CA12: variants seen among roughly 807,000 people sequenced by gnomAD.
The protein encoded by CA12 is carbonate dehydratase XII.
CA12 carries 36 observed loss-of-function variants against 46.8 expected under a neutral mutation model. That is an observed-to-expected ratio of 0.77 (90% CI 0.59 to 1.02). The LOEUF (loss-of-function observed/expected upper bound fraction) is 1.02, where lower values mean the gene tolerates loss of function less well. Among genes scored for constraint, CA12 ranks in the 50% least tolerant of loss-of-function variants. CA12 has a pLI of 0.00. For synonymous variants in CA12, 202 were observed against 187.0 expected, an observed-to-expected ratio of 1.08 and a Z score of -0.65; for missense variants, 436 against 451.4, an observed-to-expected ratio of 0.97 and a Z score of 0.31.
intron 8 of CA12, among the ~76,000 whole-genome samples, chr15:63,334,746 C>T (rs2038978100): frequency 6.6e-6 from 1 of 152,024 alleles, no homozygotes; most frequent in Non-Finnish European, 1.5e-5. Context: ...GCATCTGCAC[C>T]CCTGATAAAG....
intron 2 of CA12, among the ~76,000 whole-genome samples, chr15:63,347,463 C>T (rs1595782520): frequency 6.6e-6 from 1 of 152,034 alleles, no homozygotes; most frequent in East Asian, 1.9e-4. Context: ...AGAGTTTAAG[C>T]TGGAAAAAAA....
At chr15:63,346,278 C>A (rs1397532183) in intron 3 of CA12, among the ~76,000 whole-genome samples, 1 of 152,186 alleles carries the variant, frequency 6.6e-6, no homozygotes. Context: ...GTGCTCAGGC[C>A]GGTCTCCTGC....
intron 2 of CA12, among the ~76,000 whole-genome samples, chr15:63,364,345 A>AAAAAAAC (rs1555431587): frequency 3.4e-5 from 5 of 149,182 alleles, no homozygotes; most frequent in Non-Finnish European, 5.9e-5. Context: ...AAAAAAAAAA[A>AAAAAAAC]AAAAAAAAAA....
At position 63,325,598 on chromosome 15, in the gene CA12, T is replaced by TC. The variant is rs764099194; in HGVS notation, c.*686dup. 7.8e-5 allele frequency: 12 copies of TC among 153,010 alleles called. No individual in the cohort carries two copies. Among genetic ancestry groups the TC allele is most frequent in the Non-Finnish European group, 1.3e-4 (9 of 68,640 alleles). The allele number at this position is 153,010 out of a possible 1,614,324, so 9.5% of individuals were successfully genotyped here. ...CCCTCTAGCTCTCTCTCCCTTCTCATCCCCACCAAGAAGTGGAACTTGAAC... is the reference window on the plus strand; with the variant it reads ...CCCTCTAGCTCTCTCTCCCTTCTCATCCCCCACCAAGAAGTGGAACTTGAAC... On this transcript the variant is annotated 3_prime_UTR_variant, in exon 11 of 11. Transcript: ENST00000178638. The surrounding 1 kb of genome is among the most constrained non-coding windows in gnomAD (Gnocchi z 4.9).
rs1032715256 is a variant in CA12 at position 63,325,954 on chromosome 15, G to A, written c.*331C>T. The A allele has an allele frequency of 2.9e-5, 10 of 344,260 alleles. No homozygotes were observed. The highest frequency in any genetic ancestry group is 5.6e-5 in the Non-Finnish European group (10 of 180,000). The allele number at this position is 344,260 out of a possible 1,614,324, so 21.3% of individuals were successfully genotyped here. ...AGCACGCTCTGGCAAAGCCCCGGAT[G>A]AAAGTGTTTTCCAACCATTAATGGC... On this transcript the variant is annotated 3_prime_UTR_variant, in exon 11 of 11. Coordinates refer to ENST00000178638, the MANE Select transcript of CA12 (RefSeq NM_001218.5). The surrounding 1 kb of genome is among the most constrained non-coding windows in gnomAD (Gnocchi z 4.9).
rs2039064763 is a variant in CA12 at position 63,340,499 on chromosome 15, A to C, written c.590-54T>G. The C allele has an allele frequency of 1.2e-6, 2 of 1,605,968 alleles. No homozygotes were observed. The highest frequency in any genetic ancestry group is 2.2e-5 in the South Asian group (2 of 90,914). ...TGTCAGCCTCCCTCCGTAGGGCATA[A>C]GTGCAGCTGAACAGAGCGACTGAGC... On this transcript the variant is annotated intron_variant, in intron 6 of 10. Coordinates refer to ENST00000178638, the MANE Select transcript of CA12 (RefSeq NM_001218.5). This position sits in a 1 kb window ranked among gnomAD's most constrained non-coding sequence, Gnocchi z 4.4.
rs1473840605 is a variant in CA12 at position 63,381,639 on chromosome 15, T to C, written c.82A>G (p.Asn28Asp). Reference sequence around the variant, plus strand: ...AAGAAGCAGGCGGAAACTTTACCGTTCACTGGGGCCGGGCTGGAAGGCTGT... The same window carrying C: ...AAGAAGCAGGCGGAAACTTTACCGTCCACTGGGGCCGGGCTGGAAGGCTGT... ...KEQPSSPAPV[N>D]GSKWTYFGPD... Residue 28 changes from asparagine (N) to aspartate (D), a missense_variant, in exon 1 of 11, where the codon AAC becomes GAC. By Grantham distance (23) the Asn-to-Asp change is conservative. Transcript: ENST00000178638. 6.2e-7 allele frequency: 1 copy of C among 1,610,766 alleles called. No individual in the cohort carries two copies. Among genetic ancestry groups the C allele is most frequent in the African/African-American group, 1.3e-5 (1 of 74,980 alleles).
intron 2 of CA12, among the ~76,000 whole-genome samples, chr15:63,369,715 A>G (rs972523812): frequency 6.6e-6 from 1 of 152,192 alleles, no homozygotes; most frequent in Non-Finnish European, 1.5e-5. Context: ...AGAGGTCATT[A>G]CTTTCCTAAG....
intron 2 of CA12, among the ~76,000 whole-genome samples, chr15:63,358,457 G>A (rs2039319494): frequency 6.6e-6 from 1 of 152,106 alleles, no homozygotes; most frequent in African/African-American, 2.4e-5. Context: ...CTGCTTTTGT[G>A]ACAGGCTCCT....
chr15:63,325,992 C>G lies in CA12; in HGVS notation c.*293G>C. ...AACCATTAATGGCCCACCAGCATGG[C>G]TTGGTTTGTGATTCCAGAATTCAGA... is the stretch of plus-strand genomic sequence containing the variant. On this transcript the variant is annotated 3_prime_UTR_variant, in exon 11 of 11. Transcript: ENST00000178638. The surrounding 1 kb of genome is among the most constrained non-coding windows in gnomAD (Gnocchi z 4.9). 2.3e-6 allele frequency: 1 copy of G among 436,482 alleles called. No individual in the cohort carries two copies. The highest frequency in any genetic ancestry group is 3.4e-5 in the Admixed American group (1 of 29,048). 27.0% of individuals were successfully genotyped at this position (436,482 alleles called of 1,614,324 possible).
chr15:63,367,287 T>C (rs1324923525), intron 2 of CA12, among the ~76,000 whole-genome samples: 1 of 152,202 alleles, frequency 6.6e-6, no homozygotes, highest in African/African-American at 2.4e-5. Flanking sequence ...AGACATCAAT[T>C]TTCCTCTGGG....
intron 2 of CA12, among the ~76,000 whole-genome samples, chr15:63,370,937 C>T (rs981655782): frequency 8.5e-5 from 13 of 152,252 alleles, no homozygotes; most frequent in African/African-American, 2.9e-4. Flanking sequence ...TTGATAGAGA[C>T]AAGAGCCCTC....
chr15:63,358,603 G>A (rs769693815), intron 2 of CA12, among the ~76,000 whole-genome samples: 48 of 152,164 alleles, frequency 3.2e-4, no homozygotes, highest in African/African-American at 1.1e-3. Flanking sequence ...AGTGTGAAGC[G>A]GTAGGTGAGA....
chr15:63,326,277 C>T lies in CA12; in HGVS notation c.*8G>A, dbSNP rs1190458891. ...CCTTCCTGGATGTGCCCGGGAGCTC[C>T]GGGGACCTCAAGCGTGGGCCTCAGT... On this transcript the variant is annotated 3_prime_UTR_variant, in exon 11 of 11. Transcript: ENST00000178638. 6.2e-6 allele frequency: 10 copies of T among 1,612,742 alleles called. No homozygotes were observed. The East Asian group carries it at 8.9e-5, about 14-fold the overall frequency.
At position 63,348,973 on chromosome 15, in the gene CA12, G is replaced by A. The variant is rs796523570; in HGVS notation, c.107-2264C>T. Among the ~76,000 whole-genome samples, 8 of 152,348 alleles carry A rather than the reference G, an allele frequency of 5.3e-5. No individual in the cohort carries two copies. The highest frequency in any genetic ancestry group is 1.9e-4 in the African/African-American group (8 of 41,578). ...ACCAAATAAGGTATTTGGGGGGCAGGAAAGACTAAGGATATTAAAGGCAGT... is the reference window on the plus strand; with the variant it reads ...ACCAAATAAGGTATTTGGGGGGCAGAAAAGACTAAGGATATTAAAGGCAGT... On this transcript the variant is annotated intron_variant, in intron 2 of 10. Coordinates refer to ENST00000178638, the MANE Select transcript of CA12 (RefSeq NM_001218.5). This position sits in a 1 kb window ranked among gnomAD's most constrained non-coding sequence, Gnocchi z 4.6.
rs1179037698 is a variant in CA12, at chr15:63,339,900, G to A, written c.747+388C>T. The stretch of plus-strand genomic sequence containing the variant: ...CTAGACCTTGAGCTTCTTGGGGGCA[G>A]GGACCCTCACTTAGTCATTGCTGCA... On this transcript the variant is annotated intron_variant, in intron 7 of 10. Coordinates refer to ENST00000178638, the MANE Select transcript of CA12 (RefSeq NM_001218.5). This position sits in a 1 kb window ranked among gnomAD's most constrained non-coding sequence, Gnocchi z 4.3. 2.2e-5 allele frequency: 7 copies of A among 325,200 alleles called. No individual in the cohort carries two copies. In the Admixed American group the frequency reaches 2.7e-4, roughly 13 times the overall value. The allele number at this position is 325,200 out of a possible 1,614,324, so 20.1% of individuals were successfully genotyped here.
rs142770772 is a variant in CA12, at chr15:63,346,617, A to G, written c.199T>C (p.Tyr67His). Reference sequence around the variant, plus strand: ...TCGAGGGGCGTGAGGCTGGCGTCATACTGGAGGATGTCACTGTGCAGGTCT... The same window carrying G: ...TCGAGGGGCGTGAGGCTGGCGTCATGCTGGAGGATGTCACTGTGCAGGTCT... The part of the protein sequence containing the change: ...PIDLHSDILQ[Y>H]DASLTPLEFQ... Residue 67 changes from tyrosine to histidine, a missense_variant, in exon 3 of 11, where the codon TAT becomes CAT. Physicochemically the swap from Tyr to His is moderately conservative, Grantham distance 83. Coordinates refer to ENST00000178638, the MANE Select transcript of CA12 (RefSeq NM_001218.5). 3.7e-6 allele frequency: 6 copies of G among 1,613,520 alleles called. No individual in the cohort carries two copies. Among genetic ancestry groups the G allele is most frequent in the Non-Finnish European group, 5.1e-6 (6 of 1,179,744 alleles).
rs1049353273 is a variant in CA12 at position 63,374,302 on chromosome 15, C to T, written c.106+1356G>A. ...CAACATCACCTTAGCCAACAGCACCCACTCCCCACTCACCGAATCCTCCTT... is the reference window on the plus strand; with the variant it reads ...CAACATCACCTTAGCCAACAGCACCTACTCCCCACTCACCGAATCCTCCTT... On this transcript the variant is annotated intron_variant, in intron 2 of 10. Coordinates refer to ENST00000178638, the MANE Select transcript of CA12 (RefSeq NM_001218.5). This position sits in a 1 kb window ranked among gnomAD's most constrained non-coding sequence, Gnocchi z 4.4. Among the ~76,000 whole-genome samples, 3 of 152,126 alleles carry T rather than the reference C, an allele frequency of 2.0e-5. No homozygotes were observed. The highest frequency in any genetic ancestry group is 4.8e-5 in the African/African-American group (2 of 41,414).
chr15:63,346,275 G>A (rs1359380040), intron 3 of CA12, among the ~76,000 whole-genome samples: 1 of 152,184 alleles, frequency 6.6e-6, no homozygotes, highest in Non-Finnish European at 1.5e-5. Flanking sequence ...ACAGTGCTCA[G>A]GCCGGTCTCC....
Sources: gnomAD v4.1 joint callset for allele counts (sites outside exome capture counted in the v4.1 genomes callset) on GRCh38, gnomAD v4.1.1 for gene constraint, Gnocchi (gnomAD v3.1) non-coding constraint, MANE v1.5 for transcripts, NCBI Gene and HGNC (gene_info 2026-07-23, HGNC 2026-07-21) for gene names.